The following MNAT1 variants were observed in gnomAD, a reference collection of about 807,000 sequenced individuals.
The protein encoded by MNAT1 is CDK-activating kinase assembly factor MAT1.
A neutral mutation model predicts 42.0 loss-of-function variants in MNAT1; 43 were observed. That is an observed-to-expected ratio of 1.02 (90% CI 0.80 to 1.32). The LOEUF is 1.32. Ranked by LOEUF, MNAT1 falls within the 40% of genes most tolerant of loss-of-function variation. The probability of loss-of-function intolerance (pLI) is 0.00; values close to 1 mark genes in which losing one functional copy is unlikely to be tolerated. For missense variants in MNAT1, 306 were observed against 350.4 expected (o/e 0.87, Z 1.01); for synonymous variants, 118 against 120.0 (o/e 0.98, Z 0.11).
chr14:60,844,607 A>G (rs993908515), intron 6 of MNAT1, among the ~76,000 whole-genome samples: 1 of 151,742 alleles, frequency 6.6e-6, no homozygotes, highest in Non-Finnish European at 1.5e-5. Flanking sequence ...ATTTTTTAGG[A>G]TTGTTTATAT....
At chr14:60,781,662 C>T (rs2031463693) in intron 1 of MNAT1, among the ~76,000 whole-genome samples, 1 of 151,924 alleles carries the variant, frequency 6.6e-6, no homozygotes, top group South Asian at 2.1e-4. Flanking sequence ...TTTTTAGTTA[C>T]TTTTAGGAAA....
At chr14:60,953,205 T>C (rs2036416308) in intron 7 of MNAT1, among the ~76,000 whole-genome samples, 1 of 152,178 alleles carries the variant, frequency 6.6e-6, no homozygotes, top group African/African-American at 2.4e-5. Flanking sequence ...GATCTGTATG[T>C]ATATGTTTGA....
intron 7 of MNAT1, among the ~76,000 whole-genome samples, chr14:60,916,568 T>C (rs1476856587): frequency 2.0e-5 from 3 of 152,114 alleles, no homozygotes; most frequent in Non-Finnish European, 2.9e-5. Flanking sequence ...GGTGGGAGGA[T>C]CACTTGAGCC....
chr14:60,780,685 G>C, intron 1 of MNAT1: 1 of 832,802 alleles, frequency 1.2e-6, no homozygotes, highest in Non-Finnish European at 1.9e-6. Flanking sequence ...TTATTTCATT[G>C]GTTAATTTAT....
At chr14:60,739,799 A>G (rs1366506988) in intron 1 of MNAT1, among the ~76,000 whole-genome samples, 1 of 152,138 alleles carries the variant, frequency 6.6e-6, no homozygotes, top group Non-Finnish European at 1.5e-5. Flanking sequence ...TCCATTCTGA[A>G]GGCATATAGA....
In MNAT1 at chr14:60,856,335, C is replaced by T. The variant is rs887143967; in HGVS notation, c.688-23379C>T. Among the ~76,000 whole-genome samples, 10 of 152,108 alleles carry T rather than the reference C, an allele frequency of 6.6e-5. No homozygotes were observed. In the East Asian group the frequency reaches 1.9e-3, roughly 29 times the overall value. ...AGAGCAAACCAGTCATACCATATTC[C>T]CTTAAGTCAAAGTCTAATCCAGGTT... On this transcript the variant is annotated intron_variant, in intron 6 of 7. Coordinates refer to ENST00000261245, the MANE Select transcript of MNAT1 (RefSeq NM_002431.4).
chr14:60,738,480 T>C (rs1308128741), intron 1 of MNAT1, among the ~76,000 whole-genome samples: 1 of 152,092 alleles, frequency 6.6e-6, no homozygotes, highest in Non-Finnish European at 1.5e-5. Context: ...GGTCTCGAAC[T>C]ACTGACTTCG....
intron 1 of MNAT1, among the ~76,000 whole-genome samples, chr14:60,793,778 G>T (rs1444411876): frequency 6.6e-6 from 1 of 152,048 alleles, no homozygotes; most frequent in Non-Finnish European, 1.5e-5. Flanking sequence ...TTACCCGTGG[G>T]AAGTGAGATA....
intron 1 of MNAT1, among the ~76,000 whole-genome samples, chr14:60,786,959 G>A (rs1003321663): frequency 1.3e-5 from 2 of 152,156 alleles, no homozygotes; most frequent in Non-Finnish European, 2.9e-5. Flanking sequence ...TAGTGCAGTG[G>A]CATTAATGGA....
At chr14:60,943,864 A>G (rs897280832) in intron 7 of MNAT1, among the ~76,000 whole-genome samples, 3 of 152,136 alleles carry the variant, frequency 2.0e-5, no homozygotes, top group African/African-American at 7.2e-5. Flanking sequence ...CAAGCAATGA[A>G]TTTTCCAGGA....
intron 6 of MNAT1, among the ~76,000 whole-genome samples, chr14:60,870,761 A>G (rs888470080): frequency 2.6e-5 from 4 of 152,190 alleles, no homozygotes; most frequent in East Asian, 3.8e-4. Flanking sequence ...TTTACTTACC[A>G]TAAGAATTAC....
intron 1 of MNAT1, among the ~76,000 whole-genome samples, chr14:60,795,740 C>T (rs2031993655): frequency 6.6e-6 from 1 of 152,158 alleles, no homozygotes; most frequent in African/African-American, 2.4e-5. Context: ...GTCATTTGCT[C>T]AGTTGATTAC....
intron 1 of MNAT1, among the ~76,000 whole-genome samples, chr14:60,778,020 G>T (rs1226973727): frequency 6.6e-6 from 1 of 152,184 alleles, no homozygotes; most frequent in Admixed American, 6.5e-5. Flanking sequence ...TTTGAAATCT[G>T]TGCTGGGTCT....
intron 7 of MNAT1, among the ~76,000 whole-genome samples, chr14:60,890,184 A>G (rs1040512405): frequency 2.6e-5 from 4 of 152,216 alleles, no homozygotes; most frequent in Non-Finnish European, 5.9e-5. Context: ...CACAATAGCA[A>G]AGACTTGGAA....
chr14:60,784,119 TCTC>T (rs1243706436), intron 1 of MNAT1, among the ~76,000 whole-genome samples: 1 of 149,748 alleles, frequency 6.7e-6, no homozygotes, highest in African/African-American at 2.5e-5. Flanking sequence ...TTCAAGCCGT[TCTC>T]CTGCCTCAGC....
chr14:60,849,004 T>A (rs916668833), intron 6 of MNAT1, among the ~76,000 whole-genome samples: 1 of 152,164 alleles, frequency 6.6e-6, no homozygotes, highest in Non-Finnish European at 1.5e-5. Flanking sequence ...CTTATTCTTT[T>A]AGAAGTGTTA....
At chr14:60,902,001 C>G (rs2035081946) in intron 7 of MNAT1, among the ~76,000 whole-genome samples, 1 of 152,168 alleles carries the variant, frequency 6.6e-6, no homozygotes, top group Non-Finnish European at 1.5e-5. Flanking sequence ...TGCTATTAAA[C>G]AGCATTATGT....
chr14:60,882,324 C>A (rs2034569990), intron 7 of MNAT1, among the ~76,000 whole-genome samples: 1 of 152,116 alleles, frequency 6.6e-6, no homozygotes, highest in African/African-American at 2.4e-5. Flanking sequence ...TAAGTGGGAA[C>A]ATGCTAAGTT....
intron 7 of MNAT1, among the ~76,000 whole-genome samples, chr14:60,912,693 T>C (rs1179163029): frequency 6.6e-6 from 1 of 152,206 alleles, no homozygotes; most frequent in Non-Finnish European, 1.5e-5. Context: ...AGAGATCAGC[T>C]GTTAGTTAGT....
Sources: gnomAD v4.1 joint callset for allele counts (sites outside exome capture counted in the v4.1 genomes callset) on GRCh38, gnomAD v4.1.1 for gene constraint, MANE v1.5 for transcripts, NCBI Gene and HGNC (gene_info 2026-07-23, HGNC 2026-07-21) for gene names.